The following DCAF1 variants were observed in gnomAD, a reference collection of about 807,000 sequenced individuals.
DCAF1 encodes DDB1 and CUL4 associated factor 1.
A neutral mutation model predicts 128.0 loss-of-function variants in DCAF1; 15 were observed. The ratio of observed to expected loss-of-function variants is 0.12; its 90% CI spans 0.08 to 0.18. The LOEUF is 0.18. Among genes scored for constraint, DCAF1 ranks in the 10% least tolerant of loss-of-function variants. DCAF1 has a pLI of 1.00. For synonymous variants in DCAF1, 610 were observed against 603.0 expected, an observed-to-expected ratio of 1.01 and a Z score of -0.17; for missense variants, 988 against 1,649.5, an observed-to-expected ratio of 0.60 and a Z score of 6.95.
At chr3:51,435,580 A>G (rs1553635772) in intron 9 of DCAF1, among the ~76,000 whole-genome samples, 1 of 152,124 alleles carries the variant, frequency 6.6e-6, no homozygotes. Flanking sequence ...CCATGGTGGC[A>G]CACGCCTATA....
chr3:51,422,843 C>T (rs1699532286), intron 13 of DCAF1, among the ~76,000 whole-genome samples: 1 of 151,994 alleles, frequency 6.6e-6, no homozygotes, highest in Non-Finnish European at 1.5e-5. Context: ...GTGGGAGGAT[C>T]ACTTGAACCC....
intron 1 of DCAF1, among the ~76,000 whole-genome samples, chr3:51,498,647 G>A (rs896389360): frequency 3.6e-4 from 54 of 152,096 alleles, no homozygotes; most frequent in Admixed American, 3.3e-4. Flanking sequence ...CAGCAACTAC[G>A]CAAGAGATAC....
intron 3 of DCAF1, among the ~76,000 whole-genome samples, chr3:51,483,293 A>C (rs1706479507): frequency 6.6e-6 from 1 of 150,922 alleles, no homozygotes; most frequent in African/African-American, 2.4e-5. Context: ...TATAAAAAGT[A>C]GCCGGGCATG....
chr3:51,463,417 G>A (rs1196095699), intron 5 of DCAF1, among the ~76,000 whole-genome samples, 190 bp from the exon 6 acceptor site: 4 of 152,026 alleles, frequency 2.6e-5, no homozygotes, highest in African/African-American at 9.7e-5. Flanking sequence ...CTGAGCCATG[G>A]TGATACCACA....
chr3:51,466,709 G>C, intron 5 of DCAF1, 94 bp downstream of exon 5: 1 of 1,226,874 alleles, frequency 8.2e-7, no homozygotes, highest in Middle Eastern at 2.0e-4. Flanking sequence ...ACTTTGTCAA[G>C]GCCTTAGGAG....
chr3:51,476,084 T>C (rs1160066678), intron 3 of DCAF1, among the ~76,000 whole-genome samples: 4 of 151,988 alleles, frequency 2.6e-5, no homozygotes, highest in Non-Finnish European at 5.9e-5. Flanking sequence ...TGTTTAGTCT[T>C]CTCATTTTCC....
chr3:51,502,761 C>T (rs188053569), upstream of DCAF1, among the ~76,000 whole-genome samples: 73 of 151,976 alleles, frequency 4.8e-4, no homozygotes, highest in African/African-American at 1.7e-3. Flanking sequence ...CCTCCTCTAC[C>T]CCTGCCAACA....
chr3:51,452,857 T>C (rs1702494320), intron 6 of DCAF1, among the ~76,000 whole-genome samples: 1 of 151,858 alleles, frequency 6.6e-6, no homozygotes, highest in African/African-American at 2.4e-5. Context: ...AATAAAAATA[T>C]TTTAAAAATT....
At chr3:51,476,994 G>C (rs965723769) in intron 3 of DCAF1, among the ~76,000 whole-genome samples, 2 of 151,514 alleles carry the variant, frequency 1.3e-5, no homozygotes, top group Non-Finnish European at 2.9e-5. Flanking sequence ...TGAGGCAGGA[G>C]AATTGCTTGC....
chr3:51,410,703 G>C lies in DCAF1; in HGVS notation c.4212+1676C>G, dbSNP rs1235891326. Reference sequence around the variant, plus strand: ...AAGCTGTTTTGAAAGGACGCTAAGAGAAAGCTATTACATTAGCCCTAACCA... The same window carrying C: ...AAGCTGTTTTGAAAGGACGCTAAGACAAAGCTATTACATTAGCCCTAACCA... On this transcript the variant is annotated intron_variant, in intron 23 of 24. Coordinates refer to ENST00000684031, the MANE Select transcript of DCAF1 (RefSeq NM_001387579.1). Among the ~76,000 whole-genome samples, 3 of 152,216 alleles carry C rather than the reference G, an allele frequency of 2.0e-5. No individual in the cohort carries two copies. In the East Asian group the frequency reaches 5.8e-4, roughly 29 times the overall value.
At position 51,441,027 on chromosome 3, in the gene DCAF1, C is replaced by T; in HGVS notation, c.1071G>A (p.Met357Ile). Residue 357 changes from methionine (M) to isoleucine (I), a missense_variant, in exon 9 of 25, where the codon ATG becomes ATA. Coordinates refer to ENST00000684031, the MANE Select transcript of DCAF1 (RefSeq NM_001387579.1). ...TAGTTTGCTTCAGGTCAATATAGAA[C>T]ATCATCAGCTCCCGTGATCCAAGTT... ...FMQLGSRELM[M>I]FYIDLKQTND... The T allele has an allele frequency of 2.5e-6, 4 of 1,613,080 alleles. No homozygotes were observed. The highest frequency in any genetic ancestry group is 3.4e-6 in the Non-Finnish European group (4 of 1,179,566).
At chr3:51,467,374 CCAT>C (rs1704235680) in intron 4 of DCAF1, among the ~76,000 whole-genome samples, 1 of 152,106 alleles carries the variant, frequency 6.6e-6, no homozygotes, top group South Asian at 2.1e-4. Context: ...AAGCTGGAAA[CCAT>C]CATTCTCAGC....
At chr3:51,502,271 G>A (rs1241119222), upstream of DCAF1, among the ~76,000 whole-genome samples, 2 of 152,116 alleles carry the variant, frequency 1.3e-5, no homozygotes, top group Non-Finnish European at 2.9e-5. Context: ...AGAGCACTGT[G>A]GCTCATGCCT....
chr3:51,455,215 C>T (rs1382013650), intron 6 of DCAF1, among the ~76,000 whole-genome samples: 4 of 152,074 alleles, frequency 2.6e-5, no homozygotes, highest in Admixed American at 6.6e-5. Flanking sequence ...ATAAATACCA[C>T]GAAGAATAGG....
chr3:51,487,218 C>T (rs1707080606), intron 2 of DCAF1, among the ~76,000 whole-genome samples: 1 of 152,156 alleles, frequency 6.6e-6, no homozygotes, highest in South Asian at 2.1e-4. Flanking sequence ...GATCCGCCCA[C>T]CTCAGCTTCC....
chr3:51,467,931 C>T (rs1195464525), intron 4 of DCAF1, among the ~76,000 whole-genome samples: 1 of 152,118 alleles, frequency 6.6e-6, no homozygotes, highest in Non-Finnish European at 1.5e-5. Flanking sequence ...GCTCCAAGTC[C>T]AACCTCTCCT....
chr3:51,484,001 G>A (rs754902500), intron 2 of DCAF1, among the ~76,000 whole-genome samples, 165 bp from the exon 3 acceptor site: 4 of 152,068 alleles, frequency 2.6e-5, no homozygotes, highest in East Asian at 1.9e-4. Flanking sequence ...CAGAAAACTC[G>A]GGATACTCAT....
intron 6 of DCAF1, among the ~76,000 whole-genome samples, chr3:51,462,058 A>G (rs1286767646): frequency 6.6e-6 from 1 of 151,986 alleles, no homozygotes; most frequent in African/African-American, 2.4e-5. Flanking sequence ...AACTTAAAGT[A>G]TAATAATAAT....
intron 23 of DCAF1, among the ~76,000 whole-genome samples, chr3:51,404,761 G>T (rs544309504): frequency 1.3e-5 from 2 of 152,188 alleles, no homozygotes; most frequent in South Asian, 4.2e-4. Flanking sequence ...ATTTGTGTAT[G>T]TGCCAACACA....
Sources: gnomAD v4.1 joint callset for allele counts (sites outside exome capture counted in the v4.1 genomes callset) on GRCh38, gnomAD v4.1.1 for gene constraint, MANE v1.5 for transcripts, NCBI Gene and HGNC (gene_info 2026-07-23, HGNC 2026-07-21) for gene names.